The following TOM1L2 variants were observed in gnomAD, a reference collection of about 807,000 sequenced individuals.
TOM1L2 encodes the protein TOM1-like protein 2.
A neutral mutation model predicts 67.9 loss-of-function variants in TOM1L2; 31 were observed. The observed-to-expected ratio is 0.46, with a 90% CI of 0.34 to 0.62. The LOEUF is 0.62. Ranked by LOEUF, TOM1L2 falls within the 20% of genes least tolerant of loss-of-function variation. The probability of loss-of-function intolerance (pLI) is 0.01; values close to 1 mark genes in which losing one functional copy is unlikely to be tolerated. For missense variants in TOM1L2, 606 were observed against 663.5 expected, an observed-to-expected ratio of 0.91 and a Z score of 0.95; for synonymous variants, 256 against 254.0, an observed-to-expected ratio of 1.01 and a Z score of -0.07.
chr17:17,852,120 C>T (rs374614830), intron 12 of TOM1L2, among the ~76,000 whole-genome samples: 1 of 48,714 alleles, frequency 2.1e-5, no homozygotes, highest in African/African-American at 4.2e-5. Flanking sequence ...AATGCCAGCT[C>T]TGTCTATAGC....
At chr17:17,967,887 G>C (rs1442974887) in intron 1 of TOM1L2, among the ~76,000 whole-genome samples, 1 of 152,172 alleles carries the variant, frequency 6.6e-6, no homozygotes, top group African/African-American at 2.4e-5. Context: ...GATTACAGGT[G>C]TGAGCCACCG....
chr17:17,904,552 T>G (rs546820808), intron 2 of TOM1L2, among the ~76,000 whole-genome samples: 1 of 152,238 alleles, frequency 6.6e-6, no homozygotes, highest in East Asian at 1.9e-4. Context: ...TTGGGGTTTT[T>G]AACCTAAGTG....
chr17:17,972,019 G>A (rs1372395166), intron 1 of TOM1L2, among the ~76,000 whole-genome samples: 5 of 150,814 alleles, frequency 3.3e-5, no homozygotes, highest in African/African-American at 1.2e-4. Context: ...CGCCCGTGAG[G>A]TGGCACCGAC....
At chr17:17,926,178 A>G (rs1377615002) in intron 1 of TOM1L2, among the ~76,000 whole-genome samples, 4 of 140,534 alleles carry the variant, frequency 2.8e-5, no homozygotes, top group Admixed American at 6.9e-5. Flanking sequence ...CTCTTGGAGA[A>G]AAAAAAAAAA....
intron 1 of TOM1L2, among the ~76,000 whole-genome samples, chr17:17,922,853 C>T (rs948092682): frequency 5.3e-5 from 8 of 152,154 alleles, no homozygotes; most frequent in African/African-American, 1.9e-4. Context: ...GTCTCCAATG[C>T]TTTTATTGCA....
At chr17:17,897,655 G>C (rs947247468) in intron 3 of TOM1L2, among the ~76,000 whole-genome samples, 6 of 152,122 alleles carry the variant, frequency 3.9e-5, no homozygotes, top group Non-Finnish European at 7.3e-5. Flanking sequence ...AAATCACTTG[G>C]CTGACTTTTT....
At chr17:17,942,363 T>C (rs2040769228) in intron 1 of TOM1L2, among the ~76,000 whole-genome samples, 1 of 152,178 alleles carries the variant, frequency 6.6e-6, no homozygotes, top group East Asian at 1.9e-4. Flanking sequence ...TGTAATGTAT[T>C]AGCCCCAAGA....
intron 1 of TOM1L2, among the ~76,000 whole-genome samples, chr17:17,930,931 T>C (rs1170810070): frequency 2.0e-5 from 3 of 152,192 alleles, no homozygotes. Flanking sequence ...TTTTTTTCCC[T>C]AACAGTAAGT....
chr17:17,874,976 G>T lies in TOM1L2; in HGVS notation c.777+4651C>A, dbSNP rs556110685. Among the ~76,000 whole-genome samples the T allele has an allele frequency of 7.2e-5, 11 of 152,296 alleles. No individual in the cohort carries two copies. In the East Asian group the frequency reaches 1.9e-3, roughly 27 times the overall value. On this transcript the variant is annotated intron_variant, in intron 7 of 14. Transcript: ENST00000379504. Reference sequence around the variant, plus strand: ...CACCTGTCTCAAAAAGGAAGAAAAGGCCATGCGTGGTGGCTCACACCTGTA... The same window carrying T: ...CACCTGTCTCAAAAAGGAAGAAAAGTCCATGCGTGGTGGCTCACACCTGTA...
chr17:17,873,493 A>C (rs970517569), intron 7 of TOM1L2, among the ~76,000 whole-genome samples: 1 of 152,192 alleles, frequency 6.6e-6, no homozygotes, highest in Non-Finnish European at 1.5e-5. Flanking sequence ...AGAAGCCCCG[A>C]AACAAAGAGT....
intron 1 of TOM1L2, among the ~76,000 whole-genome samples, chr17:17,913,258 CGGGAGAGGGAGA>C (rs796284800): frequency 7.0e-6 from 1 of 143,242 alleles, no homozygotes; most frequent in Non-Finnish European, 1.5e-5. Flanking sequence ...CGTGGGGAGA[CGGGAGAGGGAGA>C]GGGAGAGGGA....
intron 1 of TOM1L2, among the ~76,000 whole-genome samples, chr17:17,936,506 A>C (rs2040520259): frequency 6.6e-6 from 1 of 152,218 alleles, no homozygotes; most frequent in South Asian, 2.1e-4. Flanking sequence ...ATATGTAAAT[A>C]ATCTGAAATG....
At chr17:17,930,484 AAGTC>A (rs768540767) in intron 1 of TOM1L2, among the ~76,000 whole-genome samples, 13 of 152,162 alleles carry the variant, frequency 8.5e-5, no homozygotes, top group Non-Finnish European at 1.8e-4. Flanking sequence ...TGGGGCTCCT[AAGTC>A]TGACTTATTC....
intron 1 of TOM1L2, among the ~76,000 whole-genome samples, chr17:17,911,411 G>A (rs1014799296): frequency 3.9e-5 from 6 of 152,298 alleles, no homozygotes; most frequent in East Asian, 1.9e-4. Flanking sequence ...ACAATTATCC[G>A]TCCAGAGGGC....
chr17:17,913,958 G>A (rs796914464), intron 1 of TOM1L2, among the ~76,000 whole-genome samples: 4 of 152,302 alleles, frequency 2.6e-5, no homozygotes, highest in African/African-American at 9.6e-5. Context: ...TGAGTTCTGT[G>A]AAGGGGAGAG....
At position 17,879,760 on chromosome 17, in the gene TOM1L2, G is replaced by A. The variant is rs922792975; in HGVS notation, c.661-17C>T. The A allele has an allele frequency of 6.2e-7, 1 of 1,603,734 alleles. No individual in the cohort carries two copies. The stretch of plus-strand genomic sequence containing the variant: ...CCTGGCAATCTGGTGGGGGCCACGA[G>A]GAAGGAAAGCAGGAAGGAAAGGTCA... On this transcript the variant is annotated splice_polypyrimidine_tract_variant and intron_variant, in intron 6 of 14. Coordinates refer to ENST00000379504, the MANE Select transcript of TOM1L2 (RefSeq NM_001082968.2).
At chr17:17,917,723 G>A (rs542053820) in intron 1 of TOM1L2, among the ~76,000 whole-genome samples, 2 of 152,110 alleles carry the variant, frequency 1.3e-5, no homozygotes, top group South Asian at 2.1e-4. Context: ...GGGAGGCCAA[G>A]GTGGGAAGAC....
Position 17,941,555 on chromosome 17 carries a change from C to T in TOM1L2, c.52+30707G>A, listed in dbSNP as rs78021295. ...CTTTTAGAATAGGGATTCCAAGCCACGAGGAGATATCCACGGGCAGTCTAA... is the reference window on the plus strand; with the variant it reads ...CTTTTAGAATAGGGATTCCAAGCCATGAGGAGATATCCACGGGCAGTCTAA... On this transcript the variant is annotated intron_variant, in intron 1 of 14. Transcript: ENST00000379504. Among the ~76,000 whole-genome samples, 1,131 of 152,228 alleles carry T rather than the reference C, an allele frequency of 7.4e-3. 13 individuals are homozygous for T. Among genetic ancestry groups the T allele is most frequent in the African/African-American group, 0.026 (1,086 of 41,530 alleles).
At chr17:17,910,623 G>A (rs769533678) in intron 1 of TOM1L2, among the ~76,000 whole-genome samples, 13 of 152,190 alleles carry the variant, frequency 8.5e-5, no homozygotes, top group Non-Finnish European at 1.3e-4. Context: ...AGGCTGGAGC[G>A]CAATGGTGTG....
Sources: gnomAD v4.1 joint callset for allele counts (sites outside exome capture counted in the v4.1 genomes callset) on GRCh38, gnomAD v4.1.1 for gene constraint, MANE v1.5 for transcripts, NCBI Gene and HGNC (gene_info 2026-07-23, HGNC 2026-07-21) for gene names.